The following ACACB variants were observed in gnomAD, a reference collection of about 807,000 sequenced individuals.
ACACB encodes acetyl-CoA carboxylase 2.
Under a neutral mutation model 278.8 loss-of-function variants are expected in ACACB, and 209 were observed. The ratio of observed to expected loss-of-function variants is 0.75; its 90% CI spans 0.67 to 0.84. The LOEUF (loss-of-function observed/expected upper bound fraction) is 0.84. ACACB is among the 40% of genes least tolerant of loss of function. ACACB has a pLI of 0.00. For synonymous variants in ACACB, 1,174 were observed against 1,285.6 expected (o/e 0.91, Z 1.86); for missense variants, 2,850 against 3,269.0 (o/e 0.87, Z 3.13).
chr12:109,165,012 G>A (rs979955385), intron 2 of ACACB, among the ~76,000 whole-genome samples: 18 of 152,162 alleles, frequency 1.2e-4, no homozygotes, highest in Admixed American at 2.6e-4. Flanking sequence ...AGTCTCCAGG[G>A]TGATGGTGAT....
rs747449313 is a variant in ACACB, at chr12:109,188,017, G to A, written c.1999G>A (p.Gly667Arg). The A allele has an allele frequency of 1.9e-5, 30 of 1,605,192 alleles. No individual in the cohort carries two copies. The highest frequency in any genetic ancestry group is 6.7e-5 in the Admixed American group (4 of 59,814). ...NPDEGFKPSS[G>R]TVQELNFRSS... ...ACTCCAGGGTTTTAAGCCGAGCTCC[G>A]GGACTGTCCAGGAACTGAATTTCCG... The change falls in exon 13 of 53, where the codon GGG becomes AGG. Residue 667 changes from glycine to arginine, a missense_variant. Physicochemically the swap from Gly to Arg is moderately radical, Grantham distance 125. Coordinates refer to ENST00000338432, the MANE Select transcript of ACACB (RefSeq NM_001093.4).
At chr12:109,200,088 G>A (rs1310598794) in intron 18 of ACACB, among the ~76,000 whole-genome samples, 1 of 151,470 alleles carries the variant, frequency 6.6e-6, no homozygotes, top group Non-Finnish European at 1.5e-5. Context: ...TGAGTAAGAA[G>A]GTTAATGACA....
chr12:109,206,964 C>T, intron 20 of ACACB, 108 bp downstream of exon 20: 1 of 1,288,978 alleles, frequency 7.8e-7, no homozygotes, highest in Admixed American at 2.3e-5. Context: ...AATGGTCGGT[C>T]CTCTGTTGTT....
chr12:109,193,433 G>C (rs1162572037), intron 15 of ACACB, among the ~76,000 whole-genome samples: 1 of 152,152 alleles, frequency 6.6e-6, no homozygotes, highest in African/African-American at 2.4e-5. Context: ...GGCCAGGCTG[G>C]TCTCGAACTC....
rs954162299 is a variant in ACACB, at chr12:109,124,444, G to C, written c.-10+7740G>C. On this transcript the variant is annotated intron_variant, in intron 1 of 52. Transcript: ENST00000338432. ...TGCAGATCCTTAGCAGGAATACTTT[G>C]AAGGTGTTTTTCTGTTTTCTCTTGC... is the stretch of plus-strand genomic sequence containing the variant. Among the ~76,000 whole-genome samples, 7 of 152,282 alleles carry C rather than the reference G, an allele frequency of 4.6e-5. No homozygotes were observed. In the South Asian group the frequency reaches 8.3e-4, roughly 18 times the overall value.
intron 21 of ACACB, among the ~76,000 whole-genome samples, chr12:109,211,267 T>C (rs2045839030): frequency 6.6e-6 from 1 of 151,618 alleles, no homozygotes; most frequent in Admixed American, 6.6e-5. Flanking sequence ...TACTGATTCA[T>C]GCTCCCACGT....
chr12:109,233,845 AAG>A lies in ACACB; in HGVS notation c.4238_4239del (p.Ser1414ProfsTer22), dbSNP rs1167066210. 6.2e-7 allele frequency: 1 copy of A among 1,614,174 alleles called. No individual in the cohort carries two copies. The highest frequency in any genetic ancestry group is 1.1e-5 in the South Asian group (1 of 91,084). On this transcript the variant is annotated frameshift_variant and splice_region_variant, in exon 30 of 53. Transcript: ENST00000338432. LOFTEE classifies it high-confidence loss of function. ...CTCCCTATACTCCGAGGATGACTGC[AAG>A]GTAAGCGTCTAAGCCCAGGGAGCAA... ...RTSLYSEDDC[K>X]SLREEPIHIL... is the part of the protein sequence containing the mutation.
intron 35 of ACACB, among the ~76,000 whole-genome samples, chr12:109,240,593 A>T (rs1266850542): frequency 1.3e-5 from 2 of 148,224 alleles, no homozygotes; most frequent in Admixed American, 1.4e-4. Context: ...AATGTATTTT[A>T]TTTTATTATT....
intron 19 of ACACB, among the ~76,000 whole-genome samples, chr12:109,202,005 C>T (rs1054770609): frequency 3.3e-5 from 5 of 152,098 alleles, no homozygotes; most frequent in African/African-American, 9.7e-5. Context: ...CTCCTCTGTC[C>T]CTCTCCCCAT....
intron 21 of ACACB, among the ~76,000 whole-genome samples, chr12:109,211,129 C>T (rs1315227295): frequency 6.6e-6 from 1 of 151,884 alleles, no homozygotes; most frequent in Non-Finnish European, 1.5e-5. Flanking sequence ...GGGAGGGTTC[C>T]CCACCATCAT....
intron 46 of ACACB, 44 bp downstream of exon 46, chr12:109,258,408 CTG>C (rs755314636): frequency 7.1e-6 from 11 of 1,539,384 alleles, no homozygotes; most frequent in Non-Finnish European, 8.9e-6. Context: ...GCCAGCGGTA[CTG>C]TCGAGAGTGG....
intron 17 of ACACB, among the ~76,000 whole-genome samples, chr12:109,197,875 C>T (rs2045197091): frequency 6.6e-6 from 1 of 152,112 alleles, no homozygotes; most frequent in South Asian, 2.1e-4. Context: ...TAGGTTTATG[C>T]CAGAGTAATA....
intron 40 of ACACB, 43 bp from the exon 41 acceptor site, chr12:109,249,941 T>C (rs2047050039): frequency 1.3e-6 from 2 of 1,565,034 alleles, no homozygotes; most frequent in African/African-American, 1.4e-5. Flanking sequence ...CTTGGATTTT[T>C]TGGGGCTAGA....
chr12:109,169,547 A>G (rs1024252795), intron 4 of ACACB, among the ~76,000 whole-genome samples: 10 of 152,122 alleles, frequency 6.6e-5, no homozygotes, highest in Non-Finnish European at 1.5e-4. Context: ...GCCCTCCATC[A>G]GCCGGGTACC....
At chr12:109,116,771 A>G (rs1026811068) in intron 1 of ACACB, 67 bp downstream of exon 1, 6 of 150,828 alleles carry the variant, frequency 4.0e-5, no homozygotes, top group Non-Finnish European at 7.4e-5. Flanking sequence ...TTCGAACCCA[A>G]TGTATAGTGA....
rs779789094 is a variant in ACACB at position 109,265,194 on chromosome 12, A to T, written c.7027A>T (p.Ile2343Phe). The part of the protein sequence containing the change: ...LLLEDQVKQE[I>F]LQASGELSHV... ...CCTGGAGGACCAGGTCAAGCAGGAG[A>T]TCCTGCAGGCCAGCGGGGAGCTGAG... Residue 2343 changes from isoleucine to phenylalanine, a missense_variant, in exon 51 of 53, where the codon ATC becomes TTC. Coordinates refer to ENST00000338432, the MANE Select transcript of ACACB (RefSeq NM_001093.4). The T allele has an allele frequency of 1.9e-6, 3 of 1,613,736 alleles. No individual in the cohort carries two copies. The East Asian group carries it at 6.7e-5, about 36-fold the overall frequency.
Position 109,247,719 on chromosome 12 carries a change from G to C in ACACB, c.5669+16G>C. 6.3e-7 allele frequency: 1 copy of C among 1,593,564 alleles called. No individual in the cohort carries two copies. The highest frequency in any genetic ancestry group is 8.6e-7 in the Non-Finnish European group (1 of 1,163,020). On this transcript the variant is annotated intron_variant, in intron 40 of 52. Transcript: ENST00000338432. ...GAGAGTCCAGGTAAATAACTTATCA[G>C]GTAGCTCCTTAATTTTGCTCATGGT...
At position 109,264,236 on chromosome 12, in the gene ACACB, AC is replaced by A; in HGVS notation, c.6794del (p.Pro2265LeufsTer15). 6.2e-7 allele frequency: 1 copy of A among 1,613,946 alleles called. No homozygotes were observed. On this transcript the variant is annotated frameshift_variant, in exon 50 of 53. Transcript: ENST00000338432. LOFTEE classifies it high-confidence loss of function. ...GGCCTTTCTGCTCACCTGCAGGGGAACCTGATCTCTCCGACAAGGACCGAAA... is the reference window on the plus strand; with the variant it reads ...GGCCTTTCTGCTCACCTGCAGGGGAACTGATCTCTCCGACAAGGACCGAAA... ...YKKLMEQLGE[P>X]DLSDKDRKDL...
At chr12:109,152,335 G>A in intron 2 of ACACB, among the ~76,000 whole-genome samples, 1 of 152,172 alleles carries the variant, frequency 6.6e-6, no homozygotes. Context: ...ATATTTGGGG[G>A]ATGAATACTT....
Sources: allele counts gnomAD v4.1 joint callset (sites outside exome capture counted in the v4.1 genomes callset), GRCh38; gene constraint gnomAD v4.1.1; transcripts MANE v1.5; gene names NCBI Gene and HGNC (gene_info 2026-07-23, HGNC 2026-07-21).